The following TMEM248 variants were observed in gnomAD, a reference collection of about 807,000 sequenced individuals.
TMEM248 encodes the protein transmembrane protein 248.
In TMEM248, 9 loss-of-function variants were observed where a neutral mutation model predicts 30.3. The ratio of observed to expected loss-of-function variants is 0.30; its 90% confidence interval spans 0.18 to 0.52. The LOEUF (loss-of-function observed/expected upper bound fraction) is 0.52. Among genes scored for constraint, TMEM248 ranks in the 20% least tolerant of loss-of-function variants. TMEM248 has a pLI of 0.97. For missense variants in TMEM248, 338 were observed against 403.3 expected (o/e 0.84, Z 1.39); for synonymous variants, 184 against 154.4 (o/e 1.19, Z -1.42).
intron 1 of TMEM248, among the ~76,000 whole-genome samples, chr7:66,931,672 CTTG>C (rs1411280463): frequency 1.3e-5 from 2 of 150,162 alleles, no homozygotes; most frequent in Non-Finnish European, 2.9e-5. Flanking sequence ...GAGACGGGGT[CTTG>C]TTGTGTTGGC....
At chr7:66,938,485 AT>A (rs1344812674) in intron 1 of TMEM248, among the ~76,000 whole-genome samples, 2 of 152,144 alleles carry the variant, frequency 1.3e-5, no homozygotes, top group African/African-American at 4.8e-5. Flanking sequence ...ACTATTAAAA[AT>A]ATCAAGAACC....
Position 66,956,946 on chromosome 7 carries a change from A to G in TMEM248, c.*1424A>G, listed in dbSNP as rs1034154107. On this transcript the variant is annotated 3_prime_UTR_variant, in exon 7 of 7. Transcript: ENST00000341567. ...CACCTCGGCCTCCCAAAATCCTGGG[A>G]TTCCAGGCGTCAGCCACTGCTCTCG... The G allele has an allele frequency of 1.3e-5, 2 of 152,524 alleles. No homozygotes were observed. Among genetic ancestry groups the G allele is most frequent in the African/African-American group, 4.8e-5 (2 of 41,440 alleles). The allele number at this position is 152,524 out of a possible 1,614,324, so 9.4% of individuals were successfully genotyped here.
chr7:66,950,875 C>A, intron 4 of TMEM248, 77 bp from the exon 5 acceptor site: 2 of 1,254,358 alleles, frequency 1.6e-6, no homozygotes, highest in Non-Finnish European at 2.1e-6. Flanking sequence ...AGTGTTTTAC[C>A]AGCTGCTGTG....
chr7:66,947,709 A>G (rs1439639048), intron 3 of TMEM248, among the ~76,000 whole-genome samples: 2 of 150,708 alleles, frequency 1.3e-5, no homozygotes, highest in African/African-American at 4.9e-5. Context: ...GCTATTTTTT[A>G]ATTTTAATTT....
intron 1 of TMEM248, among the ~76,000 whole-genome samples, chr7:66,932,517 CT>C (rs375755080): frequency 2.5e-3 from 351 of 142,708 alleles, no homozygotes; most frequent in Admixed American, 2.9e-3. Flanking sequence ...TCCCTGAGAA[CT>C]TTTTTTTTTT....
chr7:66,940,156 G>T (rs1246717618), intron 1 of TMEM248, among the ~76,000 whole-genome samples: 1 of 152,082 alleles, frequency 6.6e-6, no homozygotes, highest in Non-Finnish European at 1.5e-5. Context: ...GTTTTGCCAT[G>T]TTGGCCAGGC....
chr7:66,944,063 G>A (rs1792033239), intron 2 of TMEM248, among the ~76,000 whole-genome samples: 1 of 150,678 alleles, frequency 6.6e-6, no homozygotes, highest in South Asian at 2.1e-4. Context: ...CCAAAGTGCT[G>A]GGATTACAGG....
intron 1 of TMEM248, among the ~76,000 whole-genome samples, chr7:66,933,208 C>T (rs1455024918): frequency 6.6e-6 from 1 of 152,164 alleles, no homozygotes; most frequent in African/African-American, 2.4e-5. Flanking sequence ...CTCTGTTGCT[C>T]AGGCTAGAGT....
intron 6 of TMEM248, among the ~76,000 whole-genome samples, 167 bp from the exon 7 acceptor site, chr7:66,955,335 G>C (rs1275974504): frequency 6.6e-6 from 1 of 152,222 alleles, no homozygotes; most frequent in African/African-American, 2.4e-5. Flanking sequence ...AGGAGACTTT[G>C]AGATTTCTAG....
intron 4 of TMEM248, 152 bp downstream of exon 4, chr7:66,948,846 AT>A: frequency 1.1e-6 from 1 of 892,042 alleles, no homozygotes; most frequent in Admixed American, 3.3e-5. Flanking sequence ...GGATTATTTA[AT>A]TTGTCTAAAG....
intron 1 of TMEM248, among the ~76,000 whole-genome samples, chr7:66,930,257 C>T (rs532548388): frequency 6.6e-6 from 1 of 152,236 alleles, no homozygotes; most frequent in East Asian, 1.9e-4. Flanking sequence ...GCCTTGATGG[C>T]CTTTGGGTCA....
chr7:66,948,453 G>C (rs1406535303), intron 3 of TMEM248, 91 bp from the exon 4 acceptor site: 1 of 1,460,440 alleles, frequency 6.8e-7, no homozygotes. Flanking sequence ...GATGATTCCT[G>C]TGTGGGTTTG....
At position 66,941,901 on chromosome 7, in the gene TMEM248, G is replaced by A. The variant is rs774030134; in HGVS notation, c.36G>A (p.Val12=). 11 of 1,614,158 alleles carry A rather than the reference G, an allele frequency of 6.8e-6. No homozygotes were observed. The South Asian group carries it at 1.1e-4, about 16-fold the overall frequency. ...FSINPLENLK[V]YISSRPPLVV... ...TCAACCCCCTGGAGAACCTGAAGGT[G>A]TACATCAGCAGTCGGCCTCCCCTGG... The change falls in exon 2 of 7, where the codon GTG becomes GTA. Residue 12 remains valine, a synonymous_variant. Coordinates refer to ENST00000341567, the MANE Select transcript of TMEM248 (RefSeq NM_017994.5).
At chr7:66,927,979 C>A (rs1398872349) in intron 1 of TMEM248, among the ~76,000 whole-genome samples, 2 of 152,250 alleles carry the variant, frequency 1.3e-5, no homozygotes, top group South Asian at 2.1e-4. Context: ...CTTTGGGAAG[C>A]CAAGGCAGGT....
chr7:66,954,786 G>A (rs1792362470), intron 6 of TMEM248, among the ~76,000 whole-genome samples: 1 of 152,118 alleles, frequency 6.6e-6, no homozygotes, highest in Non-Finnish European at 1.5e-5. Flanking sequence ...CATTAGAAGT[G>A]TCTTTACTCT....
At position 66,955,497 on chromosome 7, in the gene TMEM248, TC is replaced by T; in HGVS notation, c.925-3del. 1 of 1,614,126 alleles carries T rather than the reference TC, an allele frequency of 6.2e-7. No homozygotes were observed. Among genetic ancestry groups the T allele is most frequent in the African/African-American group, 1.3e-5 (1 of 75,034 alleles). ...GACTGGTTTCCCTGGCTTGCTGTCT[TC>T]CAGGTGGCTTTGGCTGAAGCCTAAT... On this transcript the variant is annotated splice_region_variant and splice_polypyrimidine_tract_variant and intron_variant, in intron 6 of 6. Transcript: ENST00000341567.
intron 3 of TMEM248, among the ~76,000 whole-genome samples, chr7:66,946,709 G>A (rs1033750282): frequency 2.0e-5 from 3 of 152,190 alleles, no homozygotes; most frequent in Admixed American, 6.5e-5. Flanking sequence ...GAAATGCTAC[G>A]TAAGTGCTTG....
At chr7:66,935,131 T>C (rs1262770242) in intron 1 of TMEM248, among the ~76,000 whole-genome samples, 1 of 152,238 alleles carries the variant, frequency 6.6e-6, no homozygotes, top group East Asian at 1.9e-4. Flanking sequence ...TTGACATTTT[T>C]ATTTATGAAT....
chr7:66,958,437 A>G lies in TMEM248; in HGVS notation c.*2915A>G, dbSNP rs1792452862. 6.6e-6 allele frequency: 1 copy of G among 152,148 alleles called. No individual in the cohort carries two copies. The highest frequency in any genetic ancestry group is 2.1e-4 in the South Asian group (1 of 4,794). 9.4% of individuals were successfully genotyped at this position (152,148 alleles called of 1,614,324 possible). A position where few individuals can be genotyped will look rare whatever the true frequency, so the allele number is the denominator to read the frequency against. ...TCCTGAGGGCCAGTGGGTCCATTTC[A>G]CCTCTTGCTGCATGATGGTCAGTAG... On this transcript the variant is annotated 3_prime_UTR_variant, in exon 7 of 7. Transcript: ENST00000341567.
Sources: allele counts gnomAD v4.1 joint callset (sites outside exome capture counted in the v4.1 genomes callset), GRCh38; gene constraint gnomAD v4.1.1; transcripts MANE v1.5; gene names NCBI Gene and HGNC (gene_info 2026-07-23, HGNC 2026-07-21).